HIRA: variants seen among roughly 807,000 people sequenced by gnomAD.
HIRA encodes the protein histone cell cycle regulator, also known as protein HIRA.
HIRA carries 13 observed loss-of-function variants against 126.6 expected under a neutral mutation model. The observed-to-expected ratio is 0.10, with a 90% CI of 0.07 to 0.16. The LOEUF is 0.16. HIRA is among the 10% of genes least tolerant of loss of function. HIRA has a pLI of 1.00. For synonymous variants in HIRA, 511 were observed against 520.0 expected (o/e 0.98, Z 0.24); for missense variants, 834 against 1,314.4 (o/e 0.63, Z 5.65).
intron 5 of HIRA, among the ~76,000 whole-genome samples, chr22:19,402,938 T>G (rs1484577381): frequency 6.6e-6 from 1 of 151,512 alleles, no homozygotes; most frequent in Non-Finnish European, 1.5e-5. Context: ...AAACCCCATC[T>G]CTACGAAAAA....
chr22:19,372,571 A>ATTTTTTTT (rs200950966), intron 15 of HIRA, among the ~76,000 whole-genome samples: 1 of 136,070 alleles, frequency 7.3e-6, no homozygotes, highest in Non-Finnish European at 1.6e-5. Context: ...AAAGCTTTTA[A>ATTTTTTTT]TTTTTTTTTT....
intron 24 of HIRA, among the ~76,000 whole-genome samples, chr22:19,350,171 C>T (rs2088739934): frequency 6.6e-6 from 1 of 152,086 alleles, no homozygotes; most frequent in Non-Finnish European, 1.5e-5. Context: ...TCCATCACCA[C>T]TCAAGACACT....
intron 23 of HIRA, among the ~76,000 whole-genome samples, chr22:19,352,147 G>A (rs2088764913): frequency 6.6e-6 from 1 of 151,940 alleles, no homozygotes; most frequent in Non-Finnish European, 1.5e-5. Flanking sequence ...AGGAAACAAG[G>A]GACAGAATGG....
chr22:19,347,960 C>T (rs922540181), intron 24 of HIRA, among the ~76,000 whole-genome samples: 4 of 152,024 alleles, frequency 2.6e-5, no homozygotes, highest in African/African-American at 7.2e-5. Flanking sequence ...ACAAAACAAA[C>T]AAACAACTTG....
chr22:19,332,971 C>T (rs1280172810), intron 24 of HIRA, among the ~76,000 whole-genome samples: 1 of 152,106 alleles, frequency 6.6e-6, no homozygotes, highest in Non-Finnish European at 1.5e-5. Context: ...CGTAGTGGTG[C>T]AATCACAGCT....
Position 19,383,645 on chromosome 22 carries a change from G to C in HIRA, c.1390C>G (p.Leu464Val). 6.2e-7 allele frequency: 1 copy of C among 1,614,070 alleles called. No individual in the cohort carries two copies. Among genetic ancestry groups the C allele is most frequent in the Non-Finnish European group, 8.5e-7 (1 of 1,179,884 alleles). ...CCAGTGTCCAGCTGTGCTATGCAGA[G>C]AGGCGTGATTCTTCTCCGGCCATCT... ...TADGRRRITP[L>V]CIAQLDTGDF... is the part of the protein sequence containing the mutation. Residue 464 changes from leucine (L) to valine (V), a missense_variant, in exon 13 of 25, where the codon CTC becomes GTC. By Grantham distance (32) the Leu-to-Val change is conservative. Coordinates refer to ENST00000263208, the MANE Select transcript of HIRA (RefSeq NM_003325.4).
chr22:19,372,981 T>C (rs2088981305), intron 15 of HIRA, among the ~76,000 whole-genome samples: 1 of 152,216 alleles, frequency 6.6e-6, no homozygotes, highest in Non-Finnish European at 1.5e-5. Context: ...GCTAAGATTA[T>C]AAGCATGAGC....
intron 10 of HIRA, among the ~76,000 whole-genome samples, chr22:19,388,224 C>T (rs573522365): frequency 2.6e-5 from 4 of 152,358 alleles, no homozygotes; most frequent in African/African-American, 7.2e-5. Flanking sequence ...ACTAGGATCA[C>T]GTCATTCTCC....
rs781959552 is a variant in HIRA at position 19,351,408 on chromosome 22, G to A, written c.2887C>T (p.Leu963=). 1.9e-6 allele frequency: 3 copies of A among 1,613,716 alleles called. No homozygotes were observed. The South Asian group carries it at 3.3e-5, about 18-fold the overall frequency. ...YRLREICKDL[L]GPVHYSTGSQ... is the part of the protein sequence containing the mutation. ...CCAGTGGAGTAGTGAACCGGACCCA[G>A]TAAGTCCTTGCATATTTCTCGAAGT... The change falls in exon 24 of 25, where the codon CTG becomes TTG. Residue 963 remains leucine (L), a synonymous_variant. Coordinates refer to ENST00000263208, the MANE Select transcript of HIRA (RefSeq NM_003325.4). This position sits in a 1 kb window ranked among gnomAD's most constrained non-coding sequence, Gnocchi z 4.8.
intron 1 of HIRA, among the ~76,000 whole-genome samples, chr22:19,422,144 T>G (rs2089450984): frequency 6.8e-6 from 1 of 147,126 alleles, no homozygotes; most frequent in Non-Finnish European, 1.5e-5. Flanking sequence ...ACATTTTATT[T>G]ATACCTGAAA....
chr22:19,388,426 G>T, intron 10 of HIRA, 58 bp downstream of exon 10: 1 of 1,388,092 alleles, frequency 7.2e-7, no homozygotes, highest in Non-Finnish European at 1.0e-6. Flanking sequence ...AAGGCCTCAT[G>T]TTCCAATGTG....
chr22:19,362,151 A>G (rs2088869849), intron 15 of HIRA, among the ~76,000 whole-genome samples: 1 of 152,260 alleles, frequency 6.6e-6, no homozygotes, highest in Non-Finnish European at 1.5e-5. Context: ...CTTGCAAGAA[A>G]TGTTAAAAGT....
At chr22:19,375,118 G>A (rs917197986) in intron 15 of HIRA, among the ~76,000 whole-genome samples, 1 of 152,132 alleles carries the variant, frequency 6.6e-6, no homozygotes, top group Non-Finnish European at 1.5e-5. Flanking sequence ...TGTTTGAGGG[G>A]AGACCCAGAG....
intron 1 of HIRA, among the ~76,000 whole-genome samples, chr22:19,412,602 C>G (rs1780579761): frequency 1.3e-5 from 2 of 152,200 alleles, no homozygotes; most frequent in Admixed American, 1.3e-4. Flanking sequence ...GAGTGCTTTT[C>G]AGTTCCATAA....
chr22:19,427,969 C>A (rs767858645), intron 1 of HIRA, among the ~76,000 whole-genome samples: 1 of 152,098 alleles, frequency 6.6e-6, no homozygotes, highest in Non-Finnish European at 1.5e-5. Context: ...TCCAAGAACA[C>A]GAAGTAAAAT....
At chr22:19,383,025 C>A (rs905936060) in intron 13 of HIRA, among the ~76,000 whole-genome samples, 1 of 152,098 alleles carries the variant, frequency 6.6e-6, no homozygotes, top group Non-Finnish European at 1.5e-5. Flanking sequence ...TGGACACAAA[C>A]ACAAGTCTAC....
At chr22:19,382,343 C>T (rs1355454472) in intron 13 of HIRA, among the ~76,000 whole-genome samples, 1 of 152,196 alleles carries the variant, frequency 6.6e-6, no homozygotes, top group Admixed American at 6.5e-5. Flanking sequence ...CCCCATCCCA[C>T]AGGCCCAGTA....
intron 9 of HIRA, among the ~76,000 whole-genome samples, chr22:19,391,641 C>A (rs934737428): frequency 6.6e-6 from 1 of 152,052 alleles, no homozygotes; most frequent in Non-Finnish European, 1.5e-5. Flanking sequence ...CCACCACGCC[C>A]AGCTAATTTT....
chr22:19,356,178 G>C (rs2088810151), intron 20 of HIRA, 52 bp downstream of exon 20: 2 of 1,526,192 alleles, frequency 1.3e-6, no homozygotes, highest in Non-Finnish European at 9.1e-7. Context: ...TGCAGCATCA[G>C]ACATGAACTT....
Sources: gnomAD v4.1 joint callset for allele counts (sites outside exome capture counted in the v4.1 genomes callset) on GRCh38, gnomAD v4.1.1 for gene constraint, Gnocchi (gnomAD v3.1) non-coding constraint, MANE v1.5 for transcripts, NCBI Gene and HGNC (gene_info 2026-07-23, HGNC 2026-07-21) for gene names.